Variants in SP3 observed in about 807,000 individuals in gnomAD.
SP3 encodes the protein Sp3 transcription factor.
SP3 carries 10 observed loss-of-function variants against 70.3 expected under a neutral mutation model. The observed-to-expected ratio is 0.14, with a 90% CI of 0.09 to 0.24. SP3 has a LOEUF of 0.24. Among genes scored for constraint, SP3 ranks in the 10% least tolerant of loss-of-function variants. SP3 has a pLI of 1.00. For synonymous variants in SP3, 402 were observed against 333.5 expected (o/e 1.21, Z -2.24); for missense variants, 825 against 914.6 (o/e 0.90, Z 1.26).
chr2:173,955,294 T>C lies in SP3; in HGVS notation c.1218A>G (p.Pro406=), dbSNP rs746261093. 1 of 1,614,132 alleles carries C rather than the reference T, an allele frequency of 6.2e-7. No individual in the cohort carries two copies. Among genetic ancestry groups the C allele is most frequent in the Admixed American group, 1.7e-5 (1 of 59,994 alleles). ...CTTGCACAATTTGGGCTTGACTGGT[T>C]GGCTGCTGAGACTCTTGAAGTTGTA... ...QHLQLQESQQ[P]TSQAQIVQGI... The change falls in exon 4 of 7, where the codon CCA becomes CCG. Residue 406 remains proline (P), a synonymous_variant. Transcript: ENST00000310015.
At chr2:173,960,814 C>CA (rs142922056) in intron 3 of SP3, among the ~76,000 whole-genome samples, 18,835 of 143,322 alleles carry the variant, frequency 0.13, 1,355 homozygotes, top group Middle Eastern at 0.19. Flanking sequence ...ACTAAAAATA[C>CA]AAAAAAAAAA....
chr2:173,915,907 C>A (rs1370049683), intron 5 of SP3: 1 of 152,030 alleles, frequency 6.6e-6, no homozygotes, highest in Non-Finnish European at 1.5e-5. Context: ...AAATTTACTT[C>A]TCTAAAGATG....
At position 173,954,912 on chromosome 2, in the gene SP3, T is replaced by C. The variant is rs1266612387; in HGVS notation, c.1600A>G (p.Ile534Val). 1.2e-6 allele frequency: 2 copies of C among 1,614,136 alleles called. No homozygotes were observed. Among genetic ancestry groups the C allele is most frequent in the South Asian group, 2.2e-5 (2 of 91,080 alleles). The change falls in exon 4 of 7, where the codon ATA becomes GTA. Residue 534 changes from isoleucine to valine, a missense_variant. By Grantham distance (29) the Ile-to-Val change is conservative (BLOSUM62 3). Around this residue, in one of 4 missense-constraint regions of SP3, gnomAD observed 678 missense variants for 651.6 expected, o/e 1.04. Transcript: ENST00000310015. ...VTVNSIDSAG[I>V]QLHPGENADS... ...GCATTCTCTCCTGGATGTAGCTGTA[T>C]ACCAGCAGAATCTATAGAGTTCACT...
intron 4 of SP3, among the ~76,000 whole-genome samples, chr2:173,919,703 C>A (rs72911146): frequency 6.6e-6 from 1 of 151,986 alleles, no homozygotes; most frequent in Non-Finnish European, 1.5e-5. Context: ...TAAAACAGAC[C>A]GTACAGACTG....
chr2:173,915,200 ATAT>A (rs966542942), intron 5 of SP3: 4 of 152,220 alleles, frequency 2.6e-5, no homozygotes, highest in African/African-American at 7.2e-5. Context: ...GAAATAAGAA[ATAT>A]TATTTGAAAA....
At position 173,906,291 on chromosome 2, in the gene SP3, T is replaced by G. The variant is rs1363741952; in HGVS notation, c.*3650A>C. ...CTGCCACTAATATATATATTTACAT[T>G]ATACGCAAATCTGTCTGAACAAGGC... On this transcript the variant is annotated 3_prime_UTR_variant, in exon 7 of 7. Transcript: ENST00000310015. 6.6e-6 allele frequency among the ~76,000 whole-genome samples: 1 copy of G among 152,206 alleles called. No individual in the cohort carries two copies. Among genetic ancestry groups the G allele is most frequent in the African/African-American group, 2.4e-5 (1 of 41,436 alleles).
chr2:173,933,298 C>T (rs1362032114), intron 4 of SP3, among the ~76,000 whole-genome samples: 2 of 151,970 alleles, frequency 1.3e-5, no homozygotes, highest in African/African-American at 2.4e-5. Context: ...TATTTTATTA[C>T]ACTTACAGCA....
At chr2:173,912,132 T>C (rs550289118) in intron 6 of SP3, among the ~76,000 whole-genome samples, 2 of 152,184 alleles carry the variant, frequency 1.3e-5, no homozygotes, top group Admixed American at 6.5e-5. Context: ...TTATCTACTT[T>C]CTTAATTGTC....
At chr2:173,941,160 C>T (rs1482784568) in intron 4 of SP3, among the ~76,000 whole-genome samples, 1 of 149,724 alleles carries the variant, frequency 6.7e-6, no homozygotes, top group Admixed American at 6.7e-5. Context: ...TCTGTAATTA[C>T]TCTCACTAAA....
chr2:173,964,515 A>C lies in SP3; in HGVS notation c.46T>G (p.Leu16Val). The part of the protein sequence containing the change: ...KPVKQEEMAA[L>V]DVDSGGGGGG... Reference sequence around the variant, plus strand: ...CCGCCGCCGCCGCTATCCACGTCCAAGGCAGCCATTTCCTCTTGTTTCACG... The same window carrying C: ...CCGCCGCCGCCGCTATCCACGTCCACGGCAGCCATTTCCTCTTGTTTCACG... The change falls in exon 2 of 7, where the codon TTG becomes GTG. Residue 16 changes from leucine (L) to valine (V), a missense_variant. Around this residue, in one of 4 missense-constraint regions of SP3, gnomAD observed 678 missense variants for 651.6 expected, o/e 1.04. Coordinates refer to ENST00000310015, the MANE Select transcript of SP3 (RefSeq NM_003111.5). 1.9e-6 allele frequency: 1 copy of C among 537,230 alleles called. No individual in the cohort carries two copies. Among genetic ancestry groups the C allele is most frequent in the Non-Finnish European group, 3.6e-6 (1 of 275,896 alleles). 33.3% of individuals were successfully genotyped at this position (537,230 alleles called of 1,614,324 possible).
In SP3 at chr2:173,905,332, C is replaced by T. The variant is rs987423296; in HGVS notation, c.*4609G>A. On this transcript the variant is annotated 3_prime_UTR_variant, in exon 7 of 7. Coordinates refer to ENST00000310015, the MANE Select transcript of SP3 (RefSeq NM_003111.5). ...GTTAAGTCAGGCACTATGCTGAATG[C>T]TTATATTTTAATACAACAATCCTAT... 3.3e-5 allele frequency among the ~76,000 whole-genome samples: 5 copies of T among 152,120 alleles called. No homozygotes were observed. Among genetic ancestry groups the T allele is most frequent in the African/African-American group, 1.2e-4 (5 of 41,418 alleles).
Position 173,931,874 on chromosome 2 carries a change from T to C in SP3, c.1640-13089A>G, listed in dbSNP as rs567531562. On this transcript the variant is annotated intron_variant, in intron 4 of 6. Coordinates refer to ENST00000310015, the MANE Select transcript of SP3 (RefSeq NM_003111.5). ...TAGGGGCCTTGCTCTGGATTAGGCT[T>C]TGGTTTAAAGGAATGTTGTGGCTGG... 9.2e-5 allele frequency among the ~76,000 whole-genome samples: 14 copies of C among 152,342 alleles called. No individual in the cohort carries two copies. The South Asian group carries it at 2.7e-3, about 29-fold the overall frequency.
chr2:173,959,314 T>A (rs966171089), intron 3 of SP3, among the ~76,000 whole-genome samples: 5 of 144,240 alleles, frequency 3.5e-5, no homozygotes, highest in South Asian at 4.4e-4. Flanking sequence ...AAATACCAAA[T>A]GGGAGAGGAA....
rs1211637865 is a variant in SP3 at position 173,905,928 on chromosome 2, A to T, written c.*4013T>A. ...GTGGGGAGGATTGCTTGAGACCAGT[A>T]AGTGGAGTCTGCAGTAAGCCATGAT... On this transcript the variant is annotated 3_prime_UTR_variant, in exon 7 of 7. Transcript: ENST00000310015. 6.6e-6 allele frequency among the ~76,000 whole-genome samples: 1 copy of T among 152,196 alleles called. No homozygotes were observed. The highest frequency in any genetic ancestry group is 2.4e-5 in the African/African-American group (1 of 41,454).
In SP3 at chr2:173,904,602, T is replaced by C. The variant is rs1284369145; in HGVS notation, c.*5339A>G. ...CTTTGCTTTCTCTGCCTCCCATGTA[T>C]GTTCCAGATGTGACCTCCCAAGACA... On this transcript the variant is annotated 3_prime_UTR_variant, in exon 7 of 7. Coordinates refer to ENST00000310015, the MANE Select transcript of SP3 (RefSeq NM_003111.5). Among the ~76,000 whole-genome samples, 2 of 152,210 alleles carry C rather than the reference T, an allele frequency of 1.3e-5. No homozygotes were observed. Among genetic ancestry groups the C allele is most frequent in the Non-Finnish European group, 2.9e-5 (2 of 68,032 alleles).
chr2:173,917,395 T>C (rs1405888994), intron 5 of SP3, among the ~76,000 whole-genome samples: 1 of 152,118 alleles, frequency 6.6e-6, no homozygotes, highest in South Asian at 2.1e-4. Context: ...CAGTATAGTT[T>C]AATGGTTAAG....
At chr2:173,957,573 G>C (rs922520619) in intron 3 of SP3, among the ~76,000 whole-genome samples, 1 of 152,128 alleles carries the variant, frequency 6.6e-6, no homozygotes, top group African/African-American at 2.4e-5. Flanking sequence ...CATATTCATA[G>C]AGGAAAGTAA....
At chr2:173,965,509 G>A (rs114538903), upstream of SP3, 339 of 303,912 alleles carry the variant, frequency 1.1e-3, 1 homozygote, top group Non-Finnish European at 1.6e-3. Flanking sequence ...CGGGTGGAAG[G>A]GGAGAGACAA....
rs1689537179 is a variant in SP3 at position 173,913,194 on chromosome 2, G to C, written c.1905C>G (p.Thr635=). The C allele has an allele frequency of 4.3e-6, 7 of 1,613,314 alleles. No homozygotes were observed. Residue 635 remains threonine (T), a synonymous_variant, in exon 6 of 7, where the codon ACC becomes ACG. Transcript: ENST00000310015. ...IPGCGKVYGK[T]SHLRAHLRWH... ...AACGCAGATGAGCTCTCAGATGTGA[G>C]GTCTTCCCATAGACTTTACCACATC...
Sources: gnomAD v4.1 joint callset for allele counts (sites outside exome capture counted in the v4.1 genomes callset) on GRCh38, gnomAD v4.1.1 for gene constraint, gnomAD v4.1.1 regional missense constraint, MANE v1.5 for transcripts, NCBI Gene and HGNC (gene_info 2026-07-23, HGNC 2026-07-21) for gene names.